Variants in ATP8A2 observed in about 807,000 individuals in gnomAD.
The protein encoded by ATP8A2 is phospholipid-transporting ATPase IB.
In ATP8A2, 100 loss-of-function variants were observed where a neutral mutation model predicts 165.6. That is an observed-to-expected ratio of 0.60 (90% CI 0.51 to 0.71). ATP8A2 has a LOEUF of 0.71. Ranked by LOEUF, ATP8A2 falls within the 30% of genes least tolerant of loss-of-function variation. ATP8A2 has a pLI of 0.00. For missense variants in ATP8A2, 1,227 were observed against 1,479.5 expected (o/e 0.83, Z 2.80); for synonymous variants, 543 against 548.8 (o/e 0.99, Z 0.15).
intron 24 of ATP8A2, among the ~76,000 whole-genome samples, chr13:25,645,294 G>T (rs1464957419): frequency 6.6e-6 from 1 of 152,156 alleles, no homozygotes; most frequent in African/African-American, 2.4e-5. Flanking sequence ...CACCAGAATA[G>T]CACAGGAAAG....
chr13:25,878,793 G>A (rs954487336), intron 33 of ATP8A2, among the ~76,000 whole-genome samples: 2 of 151,962 alleles, frequency 1.3e-5, no homozygotes, highest in South Asian at 2.1e-4. Context: ...CCTTCCCATC[G>A]CCCCAGCACC....
intron 33 of ATP8A2, among the ~76,000 whole-genome samples, chr13:25,959,020 G>A (rs552139393): frequency 1.6e-4 from 24 of 152,296 alleles, no homozygotes; most frequent in African/African-American, 5.8e-4. Flanking sequence ...CATAGTGAAT[G>A]ATCCTGCATG....
intron 33 of ATP8A2, among the ~76,000 whole-genome samples, chr13:25,891,725 A>G (rs1026178707): frequency 6.6e-6 from 1 of 152,036 alleles, no homozygotes; most frequent in Non-Finnish European, 1.5e-5. Context: ...GTTGGAGGGG[A>G]TGCGCTATAA....
At position 25,878,481 on chromosome 13, in the gene ATP8A2, A is replaced by AGCAGCCCCAAGG. The variant is rs1219869611; in HGVS notation, c.3183+16075_3183+16076insAGCCCCAAGGGC. On this transcript the variant is annotated intron_variant, in intron 33 of 36. Coordinates refer to ENST00000381655, the MANE Select transcript of ATP8A2 (RefSeq NM_016529.6). ...AAAAGAATGACTATTCCATAGGCAG[A>AGCAGCCCCAAGG]GCTGGTGGGAGTGTAGCAGTGAGAA... 3.8e-3 allele frequency among the ~76,000 whole-genome samples: 503 copies of AGCAGCCCCAAGG among 133,112 alleles called. 2 individuals carry two copies. Among genetic ancestry groups the AGCAGCCCCAAGG allele is most frequent in the African/African-American group, 6.2e-3 (206 of 33,094 alleles). 87.3% of individuals were successfully genotyped at this position (133,112 alleles called of 152,430 possible). A position where few individuals can be genotyped will look rare whatever the true frequency, so the allele number is the denominator to read the frequency against.
At chr13:25,470,245 A>G (rs987352902) in intron 2 of ATP8A2, among the ~76,000 whole-genome samples, 8 of 152,226 alleles carry the variant, frequency 5.3e-5, no homozygotes, top group Non-Finnish European at 1.2e-4. Flanking sequence ...GTGTTAGATT[A>G]TGCAGCTTTA....
chr13:25,888,041 C>G, intron 33 of ATP8A2, among the ~76,000 whole-genome samples: 1 of 149,108 alleles, frequency 6.7e-6, no homozygotes. Context: ...GGAGAGTAGG[C>G]AAGGAGGCAG....
chr13:25,607,538 C>G (rs185242694), intron 24 of ATP8A2, among the ~76,000 whole-genome samples: 43 of 152,218 alleles, frequency 2.8e-4, no homozygotes, highest in African/African-American at 9.6e-4. Context: ...AGTCAGTGAC[C>G]ATCTGTAGTT....
At chr13:25,639,583 G>A (rs900827602) in intron 24 of ATP8A2, among the ~76,000 whole-genome samples, 5 of 152,114 alleles carry the variant, frequency 3.3e-5, no homozygotes, top group African/African-American at 9.7e-5. Context: ...CCCAATACAG[G>A]AGCACCCAGA....
chr13:25,562,691 T>G (rs1396306653), intron 15 of ATP8A2, among the ~76,000 whole-genome samples: 2 of 137,186 alleles, frequency 1.5e-5, no homozygotes, highest in East Asian at 3.9e-4. Flanking sequence ...TATATAGAAT[T>G]TCACTTAAAA....
rs2035768833 is a variant in ATP8A2, at chr13:25,469,230, TC to T, written c.221+114del. Reference sequence around the variant, plus strand: ...CGCACCTGGCCGGCCCCCGTCCATCTCCCCCAGAGCCTTCCCCTGCCCCCTC... The same window carrying T: ...CGCACCTGGCCGGCCCCCGTCCATCTCCCCAGAGCCTTCCCCTGCCCCCTC... On this transcript the variant is annotated intron_variant, in intron 2 of 36. Transcript: ENST00000381655. 8.0e-6 allele frequency: 11 copies of T among 1,367,554 alleles called. No homozygotes were observed. In the South Asian group the frequency reaches 1.4e-4, roughly 17 times the overall value. 84.7% of individuals were successfully genotyped at this position (1,367,554 alleles called of 1,614,324 possible).
intron 25 of ATP8A2, among the ~76,000 whole-genome samples, chr13:25,716,279 G>A (rs984192139): frequency 6.6e-5 from 10 of 152,144 alleles, no homozygotes; most frequent in Admixed American, 5.2e-4. Flanking sequence ...TCATTGGGCT[G>A]TCTTTTCACT....
intron 1 of ATP8A2, among the ~76,000 whole-genome samples, chr13:25,428,870 G>C (rs977929090): frequency 1.3e-5 from 2 of 152,136 alleles, no homozygotes; most frequent in Non-Finnish European, 2.9e-5. Flanking sequence ...GATGGCCTCT[G>C]TCCAGCCTGG....
chr13:25,887,135 GA>G lies in ATP8A2; in HGVS notation c.3183+24728del, dbSNP rs575771196. Among the ~76,000 whole-genome samples the G allele has an allele frequency of 1.8e-4, 28 of 152,264 alleles. No individual in the cohort carries two copies. In the East Asian group the frequency reaches 5.4e-3, roughly 30 times the overall value. On this transcript the variant is annotated intron_variant, in intron 33 of 36. Transcript: ENST00000381655. ...AACAGAGGATGAGTAAGAAATGGAA[GA>G]GGTGTGAGGAGGCTTCTGCTAAGTG...
In ATP8A2 at chr13:25,567,197, T is replaced by C. The variant is rs555908263; in HGVS notation, c.1473+3166T>C. 27 of 382,916 alleles carry C rather than the reference T, an allele frequency of 7.1e-5. No homozygotes were observed. The East Asian group carries it at 1.8e-3, about 25-fold the overall frequency. 23.7% of individuals were successfully genotyped at this position (382,916 alleles called of 1,614,324 possible). On this transcript the variant is annotated intron_variant, in intron 16 of 36. Transcript: ENST00000381655. ...CCAAAGCTGGCCCGGGACTGGTGTTTTGGGTCCCTGTGACGTTTTGGGGTT... is the reference window on the plus strand; with the variant it reads ...CCAAAGCTGGCCCGGGACTGGTGTTCTGGGTCCCTGTGACGTTTTGGGGTT...
At chr13:25,500,437 A>G (rs2036818734) in intron 2 of ATP8A2, among the ~76,000 whole-genome samples, 1 of 152,242 alleles carries the variant, frequency 6.6e-6, no homozygotes, top group African/African-American at 2.4e-5. Context: ...AATTAAAACA[A>G]TGCATTAGTG....
intron 1 of ATP8A2, among the ~76,000 whole-genome samples, chr13:25,435,685 A>T (rs1489406157): frequency 1.3e-5 from 2 of 151,664 alleles, no homozygotes; most frequent in Non-Finnish European, 2.9e-5. Context: ...TGCACAGTTA[A>T]TGGATCTTGT....
chr13:25,892,745 A>G (rs955722643), intron 33 of ATP8A2, among the ~76,000 whole-genome samples: 2 of 151,094 alleles, frequency 1.3e-5, no homozygotes, highest in Admixed American at 6.6e-5. Context: ...GACGTCTGTG[A>G]CTGTATGGGG....
intron 27 of ATP8A2, among the ~76,000 whole-genome samples, chr13:25,804,477 A>G (rs138480540): frequency 1.0e-3 from 156 of 152,308 alleles, no homozygotes; most frequent in Non-Finnish European, 1.7e-3. Flanking sequence ...TTGTAGCTTT[A>G]TAAGTATATT....
intron 33 of ATP8A2, among the ~76,000 whole-genome samples, chr13:25,892,049 C>T (rs916743439): frequency 3.0e-4 from 45 of 150,824 alleles, no homozygotes; most frequent in African/African-American, 9.3e-4. Flanking sequence ...TGCAGGGGCG[C>T]GATCTTGGCT....
Sources: gnomAD v4.1 joint callset for allele counts (sites outside exome capture counted in the v4.1 genomes callset) on GRCh38, gnomAD v4.1.1 for gene constraint, MANE v1.5 for transcripts, NCBI Gene and HGNC (gene_info 2026-07-23, HGNC 2026-07-21) for gene names.